The following ANKUB1 variants were observed in gnomAD, a reference collection of about 807,000 sequenced individuals.
The protein encoded by ANKUB1 is ankyrin repeat and ubiquitin domain containing 1.
In ANKUB1, 42 loss-of-function variants were observed where a neutral mutation model predicts 49.3. The ratio of observed to expected loss-of-function variants is 0.85; its 90% CI spans 0.67 to 1.10. The LOEUF (loss-of-function observed/expected upper bound fraction) is 1.10. Ranked by LOEUF, ANKUB1 falls within the 50% of genes least tolerant of loss-of-function variation. The pLI is 0.00. For synonymous variants in ANKUB1, 222 were observed against 231.0 expected, an observed-to-expected ratio of 0.96 and a Z score of 0.35; for missense variants, 613 against 642.0, an observed-to-expected ratio of 0.95 and a Z score of 0.49.
chr3:149,765,254 A>G (rs962324413), intron 5 of ANKUB1, among the ~76,000 whole-genome samples: 1 of 152,230 alleles, frequency 6.6e-6, no homozygotes, highest in Non-Finnish European at 1.5e-5. Flanking sequence ...ATGAAGTTCA[A>G]GAACAGGCTA....
chr3:149,772,989 GC>G (rs1195542419), intron 3 of ANKUB1, among the ~76,000 whole-genome samples: 1 of 152,168 alleles, frequency 6.6e-6, no homozygotes, highest in African/African-American at 2.4e-5. Flanking sequence ...CCACTCAGCA[GC>G]CCCCTTTTAT....
chr3:149,790,629 C>T (rs543098802), intron 2 of ANKUB1, among the ~76,000 whole-genome samples, 152 bp downstream of exon 2: 159 of 152,314 alleles, frequency 1.0e-3, no homozygotes, highest in African/African-American at 3.6e-3. Flanking sequence ...CAGCACAAAG[C>T]ATGCGTAAGA....
chr3:149,764,707 T>C (rs1237276303), intron 5 of ANKUB1, among the ~76,000 whole-genome samples: 2 of 150,398 alleles, frequency 1.3e-5, no homozygotes, highest in African/African-American at 2.5e-5. Flanking sequence ...TTCCTCTCTT[T>C]CTCTCTTTCC....
intron 2 of ANKUB1, among the ~76,000 whole-genome samples, chr3:149,786,769 G>A (rs2108280527): frequency 6.6e-6 from 1 of 151,892 alleles, no homozygotes; most frequent in Middle Eastern, 3.4e-3. Context: ...TAAGGTGTAA[G>A]GAAGTTTCAA....
chr3:149,776,922 A>T (rs1484192183), intron 3 of ANKUB1, among the ~76,000 whole-genome samples: 4 of 152,138 alleles, frequency 2.6e-5, no homozygotes, highest in African/African-American at 9.6e-5. Context: ...GGTTGCAGTA[A>T]GCTGAGGTTG....
At chr3:149,772,245 T>C (rs1233138131) in intron 3 of ANKUB1, among the ~76,000 whole-genome samples, 1 of 152,128 alleles carries the variant, frequency 6.6e-6, no homozygotes, top group Non-Finnish European at 1.5e-5. Context: ...AATCTCGAAC[T>C]CCTAACTTCA....
chr3:149,787,523 A>C (rs1718162014), intron 2 of ANKUB1, among the ~76,000 whole-genome samples: 1 of 152,194 alleles, frequency 6.6e-6, no homozygotes, highest in Admixed American at 6.5e-5. Context: ...AAACAGGGAC[A>C]ATTTGACTTC....
intron 3 of ANKUB1, among the ~76,000 whole-genome samples, chr3:149,771,613 CT>C (rs1717365208): frequency 6.6e-6 from 1 of 152,174 alleles, no homozygotes; most frequent in African/African-American, 2.4e-5. Context: ...TTTATTGCCC[CT>C]GTCATCAGTA....
At chr3:149,765,276 G>A (rs975197390) in intron 5 of ANKUB1, among the ~76,000 whole-genome samples, 21 of 152,064 alleles carry the variant, frequency 1.4e-4, no homozygotes, top group Admixed American at 5.9e-4. Flanking sequence ...AGTAATCTTC[G>A]GTGATAGAGA....
Position 149,767,182 on chromosome 3 carries a change from C to T in ANKUB1, c.1480G>A (p.Ala494Thr), listed in dbSNP as rs753498617. The T allele has an allele frequency of 1.4e-5, 22 of 1,531,930 alleles. No homozygotes were observed. The highest frequency in any genetic ancestry group is 1.8e-5 in the Non-Finnish European group (20 of 1,140,068). 94.9% of individuals were successfully genotyped at this position (1,531,930 alleles called of 1,614,324 possible). Reference sequence around the variant, plus strand: ...CTTGCCACAGCTAAGCAGTAGATTGCGTTCTCCCATGGAGTCTTCCCACTG... The same window carrying T: ...CTTGCCACAGCTAAGCAGTAGATTGTGTTCTCCCATGGAGTCTTCCCACTG... Reference protein sequence around the residue: ...EHSGKTPWENAIYCLAVASAF... With the variant: ...EHSGKTPWENTIYCLAVASAF... Residue 494 changes from alanine to threonine, a missense_variant, in exon 5 of 6, where the codon GCA (alanine) becomes ACA (threonine). Ala to Thr is a moderately conservative substitution (Grantham distance 58). Coordinates refer to ENST00000446160, the MANE Select transcript of ANKUB1 (RefSeq NM_001144960.3).
intron 2 of ANKUB1, chr3:149,783,887 G>C (rs959612838): frequency 6.6e-6 from 1 of 152,098 alleles, no homozygotes; most frequent in Admixed American, 6.5e-5. Context: ...CTTTTGTTAT[G>C]ACTCATCTTA....
rs545554705 is a variant in ANKUB1, at chr3:149,792,542, T to C, written c.-176A>G. The C allele has an allele frequency of 4.7e-6, 2 of 424,562 alleles. No individual in the cohort carries two copies. The highest frequency in any genetic ancestry group is 4.3e-5 in the Admixed American group (1 of 23,212). 26.3% of individuals were successfully genotyped at this position (424,562 alleles called of 1,614,324 possible). ...AGAGCCTAGTCCCACAGTGCCACAGTATCAGGCAACACAGACACCAGCTAC... is the reference window on the plus strand; with the variant it reads ...AGAGCCTAGTCCCACAGTGCCACAGCATCAGGCAACACAGACACCAGCTAC... On this transcript the variant is annotated 5_prime_UTR_variant, in exon 1 of 6. In the 5' UTR this introduces an upstream ATG that the reference lacks. Transcript: ENST00000446160.
intron 5 of ANKUB1, among the ~76,000 whole-genome samples, chr3:149,764,142 C>T (rs1030118206): frequency 6.6e-6 from 1 of 152,178 alleles, no homozygotes; most frequent in Non-Finnish European, 1.5e-5. Context: ...ATCCATTCCT[C>T]ATGTTTGTGT....
At chr3:149,766,669 G>A in intron 5 of ANKUB1, 1 of 560,036 alleles carries the variant, frequency 1.8e-6, no homozygotes, top group East Asian at 3.0e-5. Context: ...ATAGTGGCAT[G>A]TGCCTGTAGT....
At chr3:149,781,720 G>A (rs998140391) in intron 2 of ANKUB1, among the ~76,000 whole-genome samples, 1 of 152,136 alleles carries the variant, frequency 6.6e-6, no homozygotes, top group Non-Finnish European at 1.5e-5. Context: ...TGGTCAACAT[G>A]CAGACCTTTT....
chr3:149,774,401 G>A (rs1717498585), intron 3 of ANKUB1, among the ~76,000 whole-genome samples: 1 of 152,158 alleles, frequency 6.6e-6, no homozygotes, highest in Non-Finnish European at 1.5e-5. Flanking sequence ...GCTGCAGACT[G>A]ACCTGCCTAT....
chr3:149,781,001 CTTTT>C (rs370353150), intron 2 of ANKUB1, among the ~76,000 whole-genome samples: 2 of 132,810 alleles, frequency 1.5e-5, no homozygotes, highest in Non-Finnish European at 1.6e-5. Flanking sequence ...GTCTGTCTTC[CTTTT>C]TTTTTTTTTT....
Position 149,792,401 on chromosome 3 carries a change from C to A in ANKUB1, c.-35G>T. On this transcript the variant is annotated 5_prime_UTR_variant, in exon 1 of 6. Coordinates refer to ENST00000446160, the MANE Select transcript of ANKUB1 (RefSeq NM_001144960.3). ...ACCTTTTCAAACAAAAAATATCCAA[C>A]TTTTTCAAAGATTCTCCTGGATGGC... 1 of 1,441,570 alleles carries A rather than the reference C, an allele frequency of 6.9e-7. No individual in the cohort carries two copies. Among genetic ancestry groups the A allele is most frequent in the Non-Finnish European group, 9.2e-7 (1 of 1,083,322 alleles). 89.3% of individuals were successfully genotyped at this position (1,441,570 alleles called of 1,614,324 possible).
At chr3:149,780,717 A>G (rs1252463071) in intron 2 of ANKUB1, among the ~76,000 whole-genome samples, 3 of 152,230 alleles carry the variant, frequency 2.0e-5, no homozygotes, top group East Asian at 1.9e-4. Flanking sequence ...ACCCAGATAC[A>G]TAAGAGTGTT....
Sources: gnomAD v4.1 joint callset for allele counts (sites outside exome capture counted in the v4.1 genomes callset) on GRCh38, gnomAD v4.1.1 for gene constraint, MANE v1.5 for transcripts, NCBI Gene and HGNC (gene_info 2026-07-23, HGNC 2026-07-21) for gene names.